Variants in FAH observed in about 807,000 individuals in gnomAD.
FAH encodes fumarylacetoacetate hydrolase, also known as fumarylacetoacetase.
Under a neutral mutation model 55.8 loss-of-function variants are expected in FAH, and 47 were observed. The observed-to-expected ratio is 0.84, with a 90% CI of 0.67 to 1.07. The LOEUF (loss-of-function observed/expected upper bound fraction) is 1.07. Among genes scored for constraint, FAH ranks in the 50% least tolerant of loss-of-function variants. FAH has a pLI of 0.00. For missense variants in FAH, 495 were observed against 545.9 expected, an observed-to-expected ratio of 0.91 and a Z score of 0.93; for synonymous variants, 199 against 207.7, an observed-to-expected ratio of 0.96 and a Z score of 0.36.
chr15:80,158,479 G>A lies in FAH; in HGVS notation c.192+309G>A, dbSNP rs183554084. On this transcript the variant is annotated intron_variant, in intron 2 of 13. Coordinates refer to ENST00000561421, the MANE Select transcript of FAH (RefSeq NM_000137.4). Reference sequence around the variant, plus strand: ...TTCAGGAACTCTGGTTACTTTTCTTGTCAAGCTGTTTGAGCCTCTGCCTGT... The same window carrying A: ...TTCAGGAACTCTGGTTACTTTTCTTATCAAGCTGTTTGAGCCTCTGCCTGT... 3.3e-5 allele frequency among the ~76,000 whole-genome samples: 5 copies of A among 152,254 alleles called. No homozygotes were observed. In the East Asian group the frequency reaches 9.7e-4, roughly 29 times the overall value.
intron 13 of FAH, among the ~76,000 whole-genome samples, chr15:80,183,724 C>G (rs1043736322): frequency 3.3e-5 from 5 of 152,256 alleles, no homozygotes; most frequent in Admixed American, 2.0e-4. Context: ...CGCCGCAGCA[C>G]TTACTGCAGG....
intron 10 of FAH, among the ~76,000 whole-genome samples, chr15:80,177,190 C>T (rs1389775084): frequency 6.6e-6 from 1 of 152,216 alleles, no homozygotes; most frequent in Non-Finnish European, 1.5e-5. Context: ...GATCAAAGGT[C>T]ACAAGTAGCT....
Position 80,173,008 on chromosome 15 carries a change from C to T in FAH, c.707-6C>T. 6.2e-7 allele frequency: 1 copy of T among 1,614,230 alleles called. No homozygotes were observed. On this transcript the variant is annotated splice_region_variant and splice_polypyrimidine_tract_variant and intron_variant, in intron 8 of 13. Transcript: ENST00000561421. ...TGTAAGTCCTGGCTGTGCCCTTCTTCTGCAGCACGAGACATTCAGAAGTGG... is the reference window on the plus strand; with the variant it reads ...TGTAAGTCCTGGCTGTGCCCTTCTTTTGCAGCACGAGACATTCAGAAGTGG...
chr15:80,172,066 A>G lies in FAH; in HGVS notation c.607-83A>G, dbSNP rs974068893. 13 of 995,140 alleles carry G rather than the reference A, an allele frequency of 1.3e-5. No homozygotes were observed. The African/African-American group carries it at 1.9e-4, about 15-fold the overall frequency. The allele number at this position is 995,140 out of a possible 1,614,324, so 61.6% of individuals were successfully genotyped here. A position where few individuals can be genotyped will look rare whatever the true frequency, so the allele number is the denominator to read the frequency against. ...CCTGGTCCATGGCTGGAGTTTGGAA[A>G]TACCTGACCTTTGCTCTCTAGGTGA... On this transcript the variant is annotated intron_variant, in intron 7 of 13. Coordinates refer to ENST00000561421, the MANE Select transcript of FAH (RefSeq NM_000137.4).
Position 80,168,095 on chromosome 15 carries a change from G to A in FAH, c.499G>A (p.Val167Met), listed in dbSNP as rs146477982. 7 of 1,613,974 alleles carry A rather than the reference G, an allele frequency of 4.3e-6. No individual in the cohort carries two copies. Among genetic ancestry groups the A allele is most frequent in the African/African-American group, 2.7e-5 (2 of 74,874 alleles). ...VGYHGRASSV[V>M]VSGTPIRRPM... ...CTACCATGGCCGTGCCTCCTCTGTC[G>A]TGGTGTCTGGCACCCCAATCCGAAG... Residue 167 changes from valine (V) to methionine (M), a missense_variant, in exon 6 of 14, where the codon GTG becomes ATG. Val to Met is a conservative substitution (Grantham distance 21, BLOSUM62 1). Coordinates refer to ENST00000561421, the MANE Select transcript of FAH (RefSeq NM_000137.4).
chr15:80,154,879 T>C (rs1178297446), intron 1 of FAH, among the ~76,000 whole-genome samples: 2 of 152,182 alleles, frequency 1.3e-5, no homozygotes, highest in African/African-American at 2.4e-5. Flanking sequence ...TGGTGGCCTC[T>C]GAGAACGGGG....
chr15:80,171,692 G>T (rs1182322689), intron 7 of FAH, among the ~76,000 whole-genome samples: 1 of 152,124 alleles, frequency 6.6e-6, no homozygotes, highest in Non-Finnish European at 1.5e-5. Context: ...AAACTCCGAG[G>T]CTCAAGTGAT....
Position 80,162,404 on chromosome 15 carries a change from C to T in FAH, c.455+68C>T, listed in dbSNP as rs755991574. 5.9e-6 allele frequency: 8 copies of T among 1,346,362 alleles called. No homozygotes were observed. The African/African-American group carries it at 1.1e-4, about 19-fold the overall frequency. 83.4% of individuals were successfully genotyped at this position (1,346,362 alleles called of 1,614,324 possible). A position where few individuals can be genotyped will look rare whatever the true frequency, so the allele number is the denominator to read the frequency against. On this transcript the variant is annotated intron_variant, in intron 5 of 13. Coordinates refer to ENST00000561421, the MANE Select transcript of FAH (RefSeq NM_000137.4). ...TTTTCATTTCCAGCAGCATATTTGTCTCAGGAGCTGCCAAGTTCTTCTTAA... is the reference window on the plus strand; with the variant it reads ...TTTTCATTTCCAGCAGCATATTTGTTTCAGGAGCTGCCAAGTTCTTCTTAA...
At chr15:80,162,221 G>A in intron 4 of FAH, 25 bp from the exon 5 acceptor site, 1 of 1,589,638 alleles carries the variant, frequency 6.3e-7, no homozygotes, top group Non-Finnish European at 8.6e-7. Flanking sequence ...TTGCTGATGG[G>A]ATCTGTTGGG....
At chr15:80,153,797 C>A (rs1333017258) in intron 1 of FAH, among the ~76,000 whole-genome samples, 3 of 152,194 alleles carry the variant, frequency 2.0e-5, no homozygotes, top group Non-Finnish European at 4.4e-5. Flanking sequence ...GGGGGTTTAT[C>A]AGCAAATAGA....
chr15:80,181,223 G>A (rs944617677), intron 13 of FAH, 64 bp downstream of exon 13: 7 of 1,168,872 alleles, frequency 6.0e-6, no homozygotes, highest in African/African-American at 1.5e-5. Flanking sequence ...TTCTAGCTGC[G>A]GGGCGCTCCT....
intron 2 of FAH, among the ~76,000 whole-genome samples, chr15:80,159,366 C>A (rs935564851): frequency 2.6e-5 from 4 of 152,084 alleles, no homozygotes; most frequent in South Asian, 2.1e-4. Context: ...AGCCATCACA[C>A]CTGGCCCAAA....
chr15:80,172,105 C>A (rs374741051), intron 7 of FAH, 44 bp from the exon 8 acceptor site: 2 of 1,413,754 alleles, frequency 1.4e-6, no homozygotes, highest in African/African-American at 1.4e-5. Flanking sequence ...GTGACCTGGG[C>A]GGCAGATCAG....
At chr15:80,174,608 G>A (rs1160510311) in intron 9 of FAH, among the ~76,000 whole-genome samples, 3 of 152,178 alleles carry the variant, frequency 2.0e-5, no homozygotes, top group Non-Finnish European at 4.4e-5. Flanking sequence ...AGCCAGGGCT[G>A]TCTACTTCTG....
At chr15:80,168,206 A>C (rs375045126) in intron 6 of FAH, 57 bp downstream of exon 6, 290 of 1,607,992 alleles carry the variant, frequency 1.8e-4, no homozygotes, top group Non-Finnish European at 2.1e-4. Context: ...TCCCACACAG[A>C]GAGTTCTGTG....
At chr15:80,168,452 C>T (rs746166624) in intron 7 of FAH, 136 bp downstream of exon 7, 66 of 809,244 alleles carry the variant, frequency 8.2e-5, no homozygotes, top group Non-Finnish European at 5.7e-5. Context: ...TGTGTCCCCA[C>T]CTGGCCATCA....
At chr15:80,168,373 C>G (rs1179914534) in intron 7 of FAH, 57 bp downstream of exon 7, 1 of 1,582,620 alleles carries the variant, frequency 6.3e-7, no homozygotes, top group Non-Finnish European at 8.6e-7. Context: ...GCAGGAGAGC[C>G]CTTTGGGATG....
chr15:80,180,166 G>A lies in FAH; in HGVS notation c.1003G>A (p.Val335Ile), dbSNP rs139702625. 30 of 1,610,836 alleles carry A rather than the reference G, an allele frequency of 1.9e-5. No individual in the cohort carries two copies. In the African/African-American group the frequency reaches 3.5e-4, roughly 19 times the overall value. Residue 335 changes from valine to isoleucine, a missense_variant, in exon 12 of 14, where the codon GTC becomes ATC. Transcript: ENST00000561421. ...GCTGCAGCAGCTCACTCACCACTCT[G>A]TCAACGGCTGCAACCTGCGGCCGGG... ...TMLQQLTHHS[V>I]NGCNLRPGDL...
chr15:80,173,221 G>A (rs2041256605), intron 9 of FAH, 77 bp downstream of exon 9: 1 of 1,589,904 alleles, frequency 6.3e-7, no homozygotes, highest in Non-Finnish European at 8.6e-7. Context: ...GAGTGGACAT[G>A]CCAGGCATGC....
Sources: allele counts gnomAD v4.1 joint callset (sites outside exome capture counted in the v4.1 genomes callset), GRCh38; gene constraint gnomAD v4.1.1; transcripts MANE v1.5; gene names NCBI Gene and HGNC (gene_info 2026-07-23, HGNC 2026-07-21).